The following PDE4A variants were observed in gnomAD, a reference collection of about 807,000 sequenced individuals.
PDE4A encodes the protein 3',5'-cyclic-AMP phosphodiesterase 4A.
A neutral mutation model predicts 73.9 loss-of-function variants in PDE4A; 21 were observed. That is an observed-to-expected ratio of 0.28 (90% CI 0.20 to 0.41). The LOEUF is 0.41. Among genes scored for constraint, PDE4A ranks in the 10% least tolerant of loss-of-function variants. PDE4A has a pLI of 1.00. For synonymous variants in PDE4A, 463 were observed against 505.4 expected, an observed-to-expected ratio of 0.92 and a Z score of 1.13; for missense variants, 958 against 1,211.4, an observed-to-expected ratio of 0.79 and a Z score of 3.10.
chr19:10,420,480 G>A (rs916658886), upstream of PDE4A: 1 of 831,236 alleles, frequency 1.2e-6, no homozygotes, highest in Non-Finnish European at 1.5e-6. This position sits in a 1 kb window ranked among gnomAD's most constrained non-coding sequence, Gnocchi z 6.0. Flanking sequence ...GCGGGACGGG[G>A]CGGAGGAGCC....
upstream of PDE4A, chr19:10,418,625 C>A: frequency 3.7e-6 from 1 of 270,478 alleles, no homozygotes; most frequent in Non-Finnish European, 5.7e-6. Context: ...CTTAATTATA[C>A]CTCTCCACGC....
At chr19:10,455,481 A>T (rs577641800) in intron 7 of PDE4A, among the ~76,000 whole-genome samples, 291 of 151,032 alleles carry the variant, frequency 1.9e-3, no homozygotes, top group Non-Finnish European at 3.3e-3. Flanking sequence ...AAAAAAAAAA[A>T]ATATTAGCCG....
intron 13 of PDE4A, among the ~76,000 whole-genome samples, chr19:10,462,213 A>C (rs2043284920): frequency 6.6e-6 from 1 of 151,502 alleles, no homozygotes; most frequent in Admixed American, 6.6e-5. Context: ...GGCTCACCAC[A>C]ACCTCCGCCT....
At chr19:10,456,442 C>T (rs1214264779) in intron 7 of PDE4A, among the ~76,000 whole-genome samples, 2 of 152,126 alleles carry the variant, frequency 1.3e-5, no homozygotes, top group African/African-American at 4.8e-5. Flanking sequence ...AGGAGAATTG[C>T]TTCAACCTGG....
At chr19:10,435,676 A>G (rs1273194906) in intron 1 of PDE4A, among the ~76,000 whole-genome samples, 1 of 152,138 alleles carries the variant, frequency 6.6e-6, no homozygotes, top group Non-Finnish European at 1.5e-5. Context: ...GCGTCTGGGC[A>G]TGTGGCTGTG....
At chr19:10,465,237 T>G (rs570599375) in intron 14 of PDE4A, among the ~76,000 whole-genome samples, 1 of 151,474 alleles carries the variant, frequency 6.6e-6, no homozygotes, top group African/African-American at 2.4e-5. Flanking sequence ...TTTTTTTTTT[T>G]GAGACAGAGT....
chr19:10,421,858 C>G (rs1056640043), intron 1 of PDE4A, among the ~76,000 whole-genome samples: 6 of 152,160 alleles, frequency 3.9e-5, no homozygotes, highest in African/African-American at 1.4e-4. Context: ...TCCGTTTGCT[C>G]CAGCTGTCCG....
chr19:10,423,723 G>A (rs959562342), intron 1 of PDE4A, among the ~76,000 whole-genome samples: 1 of 152,148 alleles, frequency 6.6e-6, no homozygotes, highest in African/African-American at 2.4e-5. Context: ...TAAGGAGGGG[G>A]GACCTGGGTG....
intron 1 of PDE4A, among the ~76,000 whole-genome samples, chr19:10,441,684 AT>A (rs1308151510): frequency 0.013 from 1,199 of 92,708 alleles, 7 homozygotes; most frequent in African/African-American, 0.045. Flanking sequence ...ATTTTGAGTT[AT>A]TTTTTTTTTT....
chr19:10,429,250 A>G (rs1360800319), intron 1 of PDE4A, among the ~76,000 whole-genome samples: 2 of 147,954 alleles, frequency 1.4e-5, no homozygotes, highest in Non-Finnish European at 3.0e-5. Flanking sequence ...ACGGAGGGGA[A>G]AGGAAAGGAA....
intron 1 of PDE4A, chr19:10,423,211 T>G (rs1599397365): frequency 1.3e-6 from 1 of 788,352 alleles, no homozygotes; most frequent in East Asian, 1.3e-4. Context: ...CAGGCTGGAG[T>G]GCAGTGGCGT....
At chr19:10,432,305 G>C (rs954750896) in intron 1 of PDE4A, 1 of 1,213,856 alleles carries the variant, frequency 8.2e-7, no homozygotes, top group African/African-American at 1.6e-5. Context: ...CTGTCCCTGG[G>C]GGGGTCACCA....
rs896270311 is a variant in PDE4A, at chr19:10,453,188, C to G, written c.784-1641C>G. On this transcript the variant is annotated intron_variant, in intron 6 of 14. Transcript: ENST00000380702. This position sits in a 1 kb window ranked among gnomAD's most constrained non-coding sequence, Gnocchi z 4.6. ...TACCCACCTGCCCGGCACCCCCTCC[C>G]CAGTGGTTGTTAACCCCGGGACTCC... 1 of 1,513,166 alleles carries G rather than the reference C, an allele frequency of 6.6e-7. No homozygotes were observed. Among genetic ancestry groups the G allele is most frequent in the Non-Finnish European group, 8.9e-7 (1 of 1,128,264 alleles). 93.7% of individuals were successfully genotyped at this position (1,513,166 alleles called of 1,614,324 possible).
At chr19:10,427,975 G>T in intron 1 of PDE4A, 1 of 251,512 alleles carries the variant, frequency 4.0e-6, no homozygotes, top group Non-Finnish European at 6.0e-6. Context: ...CAGTCTGGGT[G>T]ACAGAGTGAG....
At chr19:10,465,683 C>CTTTTTTTGTTTTTTTTTTT (rs2043355226) in intron 14 of PDE4A, among the ~76,000 whole-genome samples, 1 of 48,366 alleles carries the variant, frequency 2.1e-5, no homozygotes. Context: ...GTGGCTTTAG[C>CTTTTTTTGTTTTTTTTTTT]TTTTTTTTTT....
At position 10,420,569 on chromosome 19, in the gene PDE4A, G is replaced by T. The variant is rs997896386; in HGVS notation, c.-196G>T. 8.0e-7 allele frequency: 1 copy of T among 1,247,584 alleles called. No individual in the cohort carries two copies. The allele number at this position is 1,247,584 out of a possible 1,614,324, so 77.3% of individuals were successfully genotyped here. The stretch of plus-strand genomic sequence containing the variant: ...CGCCGGGCACTGAGCAGAGCTCCAG[G>T]CGCCGAAAGGAAGCTGCAGAGCCCG... On this transcript the variant is annotated 5_prime_UTR_variant, in exon 1 of 15. Transcript: ENST00000380702. This position sits in a 1 kb window ranked among gnomAD's most constrained non-coding sequence, Gnocchi z 6.0.
At chr19:10,464,340 C>T in intron 14 of PDE4A, 1 of 455,322 alleles carries the variant, frequency 2.2e-6, no homozygotes, top group Non-Finnish European at 4.4e-6. Context: ...TTGTGATCTA[C>T]CCGCCTTGGC....
At chr19:10,417,948 C>G, upstream of PDE4A, 1 of 1,424,946 alleles carries the variant, frequency 7.0e-7, no homozygotes, top group South Asian at 1.3e-5. Context: ...CAGCCCTTCC[C>G]GATCTCCATG....
At chr19:10,466,439 C>T (rs1442592995) in intron 14 of PDE4A, among the ~76,000 whole-genome samples, 21 of 103,312 alleles carry the variant, frequency 2.0e-4, no homozygotes, top group East Asian at 6.2e-4. Context: ...AGCAAGACTC[C>T]GTCTCAAAAA....
Sources: gnomAD v4.1 joint callset for allele counts (sites outside exome capture counted in the v4.1 genomes callset) on GRCh38, gnomAD v4.1.1 for gene constraint, Gnocchi (gnomAD v3.1) non-coding constraint, MANE v1.5 for transcripts, NCBI Gene and HGNC (gene_info 2026-07-23, HGNC 2026-07-21) for gene names.